The following INPP4A variants were observed in gnomAD, a reference collection of about 807,000 sequenced individuals.
The protein encoded by INPP4A is inositol polyphosphate-4-phosphatase type I A.
A neutral mutation model predicts 119.8 loss-of-function variants in INPP4A; 33 were observed. The observed-to-expected ratio is 0.28, with a 90% CI of 0.21 to 0.37. The LOEUF (loss-of-function observed/expected upper bound fraction) is 0.37. Ranked by LOEUF, INPP4A falls within the 10% of genes least tolerant of loss-of-function variation. The probability of loss-of-function intolerance (pLI) is 1.00; values close to 1 mark genes in which losing one functional copy is unlikely to be tolerated. For missense variants in INPP4A, 956 were observed against 1,289.9 expected (o/e 0.74, Z 3.97); for synonymous variants, 496 against 500.7 (o/e 0.99, Z 0.12).
intron 1 of INPP4A, among the ~76,000 whole-genome samples, chr2:98,477,889 A>C (rs770158637): frequency 3.3e-4 from 50 of 152,200 alleles, no homozygotes; most frequent in Admixed American, 5.2e-4. Context: ...GGAAATGGAG[A>C]GGGCAGAATT....
chr2:98,488,868 A>G (rs1379560057), intron 1 of INPP4A, among the ~76,000 whole-genome samples: 1 of 152,014 alleles, frequency 6.6e-6, no homozygotes, highest in Non-Finnish European at 1.5e-5. Context: ...TTTCAAGCAC[A>G]GAGGACTGAA....
chr2:98,546,080 AT>A lies in INPP4A; in HGVS notation c.1054+12del. 1.3e-6 allele frequency: 2 copies of A among 1,546,290 alleles called. No individual in the cohort carries two copies. Among genetic ancestry groups the A allele is most frequent in the Non-Finnish European group, 1.8e-6 (2 of 1,137,208 alleles). On this transcript the variant is annotated splice_region_variant and intron_variant, in intron 12 of 24. Transcript: ENST00000409851. The surrounding 1 kb of genome is among the most constrained non-coding windows in gnomAD (Gnocchi z 4.2). The stretch of plus-strand genomic sequence containing the variant: ...CAAGACGATGGAGGATCAGGTACCT[AT>A]TTTTCTGCTCCCTCTTGTTGAATCA...
chr2:98,523,032 G>T (rs999510072), intron 4 of INPP4A, among the ~76,000 whole-genome samples: 3 of 152,206 alleles, frequency 2.0e-5, no homozygotes, highest in Admixed American at 6.5e-5. Flanking sequence ...CCTAAAGAGG[G>T]ACCACACTGA....
chr2:98,458,304 G>A (rs1290075965), intron 1 of INPP4A, among the ~76,000 whole-genome samples: 8 of 151,898 alleles, frequency 5.3e-5, no homozygotes, highest in South Asian at 2.1e-4. Flanking sequence ...TGATTGTACC[G>A]CTGCACTCCA....
intron 1 of INPP4A, among the ~76,000 whole-genome samples, chr2:98,514,132 C>T (rs1685654727): frequency 6.6e-6 from 1 of 152,174 alleles, no homozygotes; most frequent in African/African-American, 2.4e-5. Context: ...AGAGCCACTT[C>T]AGTGAACCCG....
chr2:98,567,317 G>A (rs1039206226), intron 21 of INPP4A, among the ~76,000 whole-genome samples: 4 of 152,134 alleles, frequency 2.6e-5, no homozygotes, highest in Admixed American at 6.5e-5. Flanking sequence ...GGCTGAGTGG[G>A]AGGAGAGTAC....
rs1334248840 is a variant in INPP4A, at chr2:98,563,503, C to T, written c.1894C>T (p.Leu632Phe). ...GGCCCTTTACCCGCTGCTGACCACT[C>T]TCACCGACTGCGTGGCCATGATGAG... ...SEALYPLLTT[L>F]TDCVAMMSDK... is the part of the protein sequence containing the mutation. The change falls in exon 18 of 25, where the codon CTC (leucine) becomes TTC (phenylalanine). Residue 632 changes from leucine (L) to phenylalanine (F), a missense_variant. This residue lies in a region of INPP4A where 304 missense variants were observed against 492.1 expected (regional missense o/e 0.62). Coordinates refer to ENST00000409851, the MANE Select transcript of INPP4A (RefSeq NM_001134225.2). 3.1e-6 allele frequency: 5 copies of T among 1,613,620 alleles called. No homozygotes were observed. In the Admixed American group the frequency reaches 6.7e-5, roughly 22 times the overall value.
At chr2:98,579,230 T>C (rs1024965395) in intron 24 of INPP4A, among the ~76,000 whole-genome samples, 10 of 152,168 alleles carry the variant, frequency 6.6e-5, no homozygotes, top group African/African-American at 2.4e-4. Context: ...TTTGTATTTT[T>C]AGTAGAAACG....
At chr2:98,522,091 C>T (rs1039642557) in intron 4 of INPP4A, among the ~76,000 whole-genome samples, 5 of 151,792 alleles carry the variant, frequency 3.3e-5, no homozygotes, top group Non-Finnish European at 7.4e-5. Flanking sequence ...AGTTCAAGAC[C>T]AGCCTGGCCA....
Position 98,536,111 on chromosome 2 carries a change from C to G in INPP4A, c.388-18C>G. On this transcript the variant is annotated intron_variant, in intron 6 of 24. Coordinates refer to ENST00000409851, the MANE Select transcript of INPP4A (RefSeq NM_001134225.2). ...AAGCAAGCGCACCAATGCTGCCTCT[C>G]TTCCTTCTCTTCCTCAGATGTATTT... is the stretch of plus-strand genomic sequence containing the variant. 1.9e-6 allele frequency: 3 copies of G among 1,559,318 alleles called. No homozygotes were observed. The highest frequency in any genetic ancestry group is 2.7e-6 in the Non-Finnish European group (3 of 1,131,642).
chr2:98,452,433 C>T (rs894860718), intron 1 of INPP4A, among the ~76,000 whole-genome samples: 1 of 152,212 alleles, frequency 6.6e-6, no homozygotes, highest in Non-Finnish European at 1.5e-5. Context: ...GATTCTGATG[C>T]AAGGTCACAT....
At chr2:98,506,777 G>C (rs1044808809) in intron 1 of INPP4A, among the ~76,000 whole-genome samples, 1 of 152,126 alleles carries the variant, frequency 6.6e-6, no homozygotes, top group African/African-American at 2.4e-5. Flanking sequence ...ACAAGAGGAA[G>C]GGGTCCTGGG....
intron 1 of INPP4A, among the ~76,000 whole-genome samples, chr2:98,508,018 G>C (rs1424915706): frequency 2.6e-5 from 4 of 152,176 alleles, no homozygotes; most frequent in Non-Finnish European, 5.9e-5. Context: ...GCAAAACACT[G>C]TACGGCAAGG....
intron 24 of INPP4A, among the ~76,000 whole-genome samples, chr2:98,582,891 C>T (rs1164842946): frequency 1.3e-5 from 2 of 151,940 alleles, no homozygotes; most frequent in Non-Finnish European, 2.9e-5. Context: ...CTACTGCATA[C>T]ACCAGACACA....
intron 16 of INPP4A, 129 bp downstream of exon 16, chr2:98,555,937 G>A: frequency 8.5e-7 from 1 of 1,172,778 alleles, no homozygotes; most frequent in Non-Finnish European, 1.2e-6. Flanking sequence ...AGGTGGAGCG[G>A]GGGCGTCCCA....
In INPP4A at chr2:98,536,138, C is replaced by T. The variant is rs372522293; in HGVS notation, c.397C>T (p.Leu133=). 87 of 1,608,492 alleles carry T rather than the reference C, an allele frequency of 5.4e-5. No individual in the cohort carries two copies. Among genetic ancestry groups the T allele is most frequent in the Non-Finnish European group, 6.9e-5 (81 of 1,175,334 alleles). Residue 133 remains leucine, a synonymous_variant, in exon 7 of 25, where the codon CTG becomes TTG. Coordinates refer to ENST00000409851, the MANE Select transcript of INPP4A (RefSeq NM_001134225.2). ...KDRSQGTMYL[L]GSGTFIVKDL... Reference sequence around the variant, plus strand: ...TCCTTCTCTTCCTCAGATGTATTTACTGGGCTCTGGAACGTTCATTGTCAA... The same window carrying T: ...TCCTTCTCTTCCTCAGATGTATTTATTGGGCTCTGGAACGTTCATTGTCAA...
At chr2:98,564,219 C>T (rs1415395117) in intron 18 of INPP4A, among the ~76,000 whole-genome samples, 2 of 152,198 alleles carry the variant, frequency 1.3e-5, no homozygotes, top group African/African-American at 4.8e-5. Flanking sequence ...AGAAAATCTC[C>T]CACTGGGGAA....
intron 1 of INPP4A, among the ~76,000 whole-genome samples, chr2:98,463,100 C>T (rs1030122288): frequency 4.6e-5 from 7 of 152,122 alleles, no homozygotes; most frequent in African/African-American, 9.7e-5. Flanking sequence ...CCTCGGCCTC[C>T]GAAAGTGCTG....
At chr2:98,521,483 A>G (rs902286965) in intron 4 of INPP4A, 3 of 152,246 alleles carry the variant, frequency 2.0e-5, no homozygotes, top group Non-Finnish European at 4.4e-5. Flanking sequence ...GGCTAACCAC[A>G]TGGCCTTGAG....
Sources: gnomAD v4.1 joint callset for allele counts (sites outside exome capture counted in the v4.1 genomes callset) on GRCh38, gnomAD v4.1.1 for gene constraint, gnomAD v4.1.1 regional missense constraint, Gnocchi (gnomAD v3.1) non-coding constraint, MANE v1.5 for transcripts, NCBI Gene and HGNC (gene_info 2026-07-23, HGNC 2026-07-21) for gene names.